CCDC40: variants seen among roughly 807,000 people sequenced by gnomAD.
The protein encoded by CCDC40 is coiled-coil domain 40 molecular ruler complex subunit, also known as coiled-coil domain-containing protein 40.
In CCDC40, 104 loss-of-function variants were observed where a neutral mutation model predicts 124.5. The observed-to-expected ratio is 0.84, with a 90% confidence interval of 0.71 to 0.98. The LOEUF (loss-of-function observed/expected upper bound fraction) is 0.98, where lower values mean the gene tolerates loss of function less well. Ranked by LOEUF, CCDC40 falls within the 50% of genes least tolerant of loss-of-function variation. CCDC40 has a pLI of 0.00. For missense variants in CCDC40, 1,463 were observed against 1,503.9 expected, an observed-to-expected ratio of 0.97 and a Z score of 0.45; for synonymous variants, 580 against 602.9, an observed-to-expected ratio of 0.96 and a Z score of 0.56.
Position 80,058,396 on chromosome 17 carries a change from C to A in CCDC40, c.1160-98C>A. On this transcript the variant is annotated intron_variant, in intron 7 of 19. Coordinates refer to ENST00000397545, the MANE Select transcript of CCDC40 (RefSeq NM_017950.4). The surrounding 1 kb of genome is among the most constrained non-coding windows in gnomAD (Gnocchi z 4.2). ...AAAATGGCAGGAAGGGTGCCCAGAA[C>A]GGCTGTTCCCTGCTTCCTCCTGGGT... 1 of 1,113,976 alleles carries A rather than the reference C, an allele frequency of 9.0e-7. No individual in the cohort carries two copies. Among genetic ancestry groups the A allele is most frequent in the Non-Finnish European group, 1.3e-6 (1 of 742,998 alleles). The allele number at this position is 1,113,976 out of a possible 1,614,324, so 69.0% of individuals were successfully genotyped here. A position where few individuals can be genotyped will look rare whatever the true frequency, so the allele number is the denominator to read the frequency against.
At chr17:80,040,736 G>A (rs1298808546) in intron 3 of CCDC40, among the ~76,000 whole-genome samples, 7 of 151,500 alleles carry the variant, frequency 4.6e-5, no homozygotes, top group Admixed American at 1.3e-4. Context: ...CAGGATTCAC[G>A]GTCAAATGCT....
rs950346966 is a variant in CCDC40, at chr17:80,066,209, C to T, written c.1562+603C>T. Reference sequence around the variant, plus strand: ...CTCACCCGCTGAGCTTTAACTTCCCCTCCACCTTTCGTAGTCTCCACCCCT... The same window carrying T: ...CTCACCCGCTGAGCTTTAACTTCCCTTCCACCTTTCGTAGTCTCCACCCCT... On this transcript the variant is annotated intron_variant, in intron 10 of 19. Transcript: ENST00000397545. The surrounding 1 kb of genome is among the most constrained non-coding windows in gnomAD (Gnocchi z 4.4). 2.4e-5 allele frequency: 17 copies of T among 702,872 alleles called. No individual in the cohort carries two copies. In the African/African-American group the frequency reaches 2.8e-4, roughly 12 times the overall value. The allele number at this position is 702,872 out of a possible 1,614,324, so 43.5% of individuals were successfully genotyped here.
intron 7 of CCDC40, among the ~76,000 whole-genome samples, chr17:80,052,049 G>C (rs1048469179): frequency 2.0e-5 from 3 of 152,232 alleles, no homozygotes; most frequent in Admixed American, 2.0e-4. Flanking sequence ...GGCCCTGACC[G>C]GGGGGCAGCC....
rs533520195 is a variant in CCDC40, at chr17:80,043,420, T to C, written c.552+3150T>C. On this transcript the variant is annotated intron_variant, in intron 3 of 19. Transcript: ENST00000397545. ...GGAGATAGGGCCTGTGTGCGTGTACTGTACGTACTTCCCCCACATTTATAC... is the reference window on the plus strand; with the variant it reads ...GGAGATAGGGCCTGTGTGCGTGTACCGTACGTACTTCCCCCACATTTATAC... Among the ~76,000 whole-genome samples the C allele has an allele frequency of 7.9e-5, 12 of 152,278 alleles. No individual in the cohort carries two copies. The South Asian group carries it at 2.5e-3, about 32-fold the overall frequency.
chr17:80,047,456 GC>G (rs1311385185), intron 4 of CCDC40, 54 bp downstream of exon 4: 1 of 1,576,144 alleles, frequency 6.3e-7, no homozygotes, highest in Non-Finnish European at 8.6e-7. Flanking sequence ...ACCTGCACAG[GC>G]CCTTCTGTGC....
Position 80,049,944 on chromosome 17 carries a change from C to T in CCDC40, c.894C>T (p.Tyr298=). Residue 298 remains tyrosine, a synonymous_variant, in exon 6 of 20, where the codon TAC becomes TAT. Transcript: ENST00000397545. ...GATTCCAGGCTGCCCTGAAGAACTA[C>T]CTGAACCGACAGATCGAAAAGTTGA... is the stretch of plus-strand genomic sequence containing the variant. ...MVRFQAALKN[Y]LNRQIEKLKL... 1 of 1,614,150 alleles carries T rather than the reference C, an allele frequency of 6.2e-7. No individual in the cohort carries two copies. The highest frequency in any genetic ancestry group is 8.5e-7 in the Non-Finnish European group (1 of 1,180,022).
intron 1 of CCDC40, among the ~76,000 whole-genome samples, chr17:80,037,690 G>GATATATATATATATATATATAT (rs757748232): frequency 0.017 from 1,527 of 91,692 alleles, 152 homozygotes; most frequent in Non-Finnish European, 0.022. Context: ...TTTTAAAAAA[G>GATATATATATATATATATATAT]ATATACATAT....
In CCDC40 at chr17:80,099,681, A is replaced by C; in HGVS notation, c.3335A>C (p.Asp1112Ala). ...KRLALIATIL[D>A]RVRDEYPQFQ... is the part of the protein sequence containing the mutation. Reference sequence around the variant, plus strand: ...CTGGCTCTCATCGCCACCATCCTGGACCGCGTGCGGGACGAGTACCCCCAG... The same window carrying C: ...CTGGCTCTCATCGCCACCATCCTGGCCCGCGTGCGGGACGAGTACCCCCAG... Residue 1112 changes from aspartate (D) to alanine (A), a missense_variant, in exon 20 of 20, where the codon GAC becomes GCC. Coordinates refer to ENST00000397545, the MANE Select transcript of CCDC40 (RefSeq NM_017950.4). The C allele has an allele frequency of 6.2e-7, 1 of 1,613,844 alleles. No individual in the cohort carries two copies. Among genetic ancestry groups the C allele is most frequent in the South Asian group, 1.1e-5 (1 of 91,080 alleles).
At position 80,039,819 on chromosome 17, in the gene CCDC40, C is replaced by T. The variant is rs748489269; in HGVS notation, c.101C>T (p.Pro34Leu). Residue 34 changes from proline (P) to leucine (L), a missense_variant, in exon 3 of 20, where the codon CCA becomes CTA. Pro to Leu is a moderately conservative substitution (Grantham distance 98, BLOSUM62 -3). Coordinates refer to ENST00000397545, the MANE Select transcript of CCDC40 (RefSeq NM_017950.4). The part of the protein sequence containing the change: ...EGNNESHMVS[P>L]PEKDDGQKGE... The stretch of plus-strand genomic sequence containing the variant: ...CCTGCCACACCTTTACAGGTGTCAC[C>T]ACCAGAGAAGGATGATGGCCAGAAA... 1 of 1,613,106 alleles carries T rather than the reference C, an allele frequency of 6.2e-7. No homozygotes were observed. The highest frequency in any genetic ancestry group is 1.1e-5 in the South Asian group (1 of 91,050).
chr17:80,052,810 T>C (rs2037635360), intron 7 of CCDC40, among the ~76,000 whole-genome samples: 1 of 148,584 alleles, frequency 6.7e-6, no homozygotes, highest in Admixed American at 6.7e-5. Context: ...CATCCCAGAG[T>C]GTGCAGAGGC....
At position 80,087,472 on chromosome 17, in the gene CCDC40, G is replaced by T; in HGVS notation, c.2450-135G>T. The T allele has an allele frequency of 1.4e-6, 1 of 731,880 alleles. No homozygotes were observed. The highest frequency in any genetic ancestry group is 1.5e-5 in the South Asian group (1 of 67,412). The allele number at this position is 731,880 out of a possible 1,614,324, so 45.3% of individuals were successfully genotyped here. Reference sequence around the variant, plus strand: ...GACGAGATTCAGGCAGGAGCGCCAGGAACGACAAGAGGGAGGGGATGAAGG... The same window carrying T: ...GACGAGATTCAGGCAGGAGCGCCAGTAACGACAAGAGGGAGGGGATGAAGG... On this transcript the variant is annotated intron_variant, in intron 14 of 19. Transcript: ENST00000397545. This position sits in a 1 kb window ranked among gnomAD's most constrained non-coding sequence, Gnocchi z 4.5.
At chr17:80,045,130 G>A (rs575808738) in intron 3 of CCDC40, among the ~76,000 whole-genome samples, 8 of 152,342 alleles carry the variant, frequency 5.3e-5, no homozygotes, top group Middle Eastern at 3.4e-3. Context: ...CCGTGAGACG[G>A]TGCATGGGCT....
At chr17:80,063,831 A>G (rs1470967608) in intron 9 of CCDC40, among the ~76,000 whole-genome samples, 1 of 152,166 alleles carries the variant, frequency 6.6e-6, no homozygotes, top group African/African-American at 2.4e-5. Context: ...ACATTTTCAG[A>G]TAGCTAGAAG....
At chr17:80,048,287 C>T (rs1316836061) in intron 4 of CCDC40, 5 of 432,714 alleles carry the variant, frequency 1.2e-5, no homozygotes, top group Non-Finnish European at 2.2e-5. Context: ...ATCCAATCCA[C>T]TAGTTAAGTG....
intron 17 of CCDC40, among the ~76,000 whole-genome samples, chr17:80,092,944 T>C (rs1273158880): frequency 6.6e-6 from 1 of 152,222 alleles, no homozygotes; most frequent in African/African-American, 2.4e-5. Context: ...ATGGTGCAAG[T>C]TGTGGACTGG....
chr17:80,072,730 C>T (rs1196116485), intron 10 of CCDC40, among the ~76,000 whole-genome samples: 1 of 152,072 alleles, frequency 6.6e-6, no homozygotes, highest in Non-Finnish European at 1.5e-5. Context: ...CTTTTGAGAC[C>T]CACCCATGTT....
chr17:80,088,160 C>CT, intron 16 of CCDC40, 58 bp downstream of exon 16: 1 of 1,215,034 alleles, frequency 8.2e-7, no homozygotes. Flanking sequence ...CTACAGGCCT[C>CT]TGTCCGTTGA....
intron 10 of CCDC40, among the ~76,000 whole-genome samples, chr17:80,069,258 CGT>C (rs200685972): frequency 0.015 from 2,230 of 152,080 alleles, 55 homozygotes; most frequent in African/African-American, 0.051. Flanking sequence ...GTTGCTGCTG[CGT>C]GGGGGGGGCG....
intron 10 of CCDC40, among the ~76,000 whole-genome samples, chr17:80,075,759 C>G (rs8069815): frequency 0.83 from 125,962 of 152,194 alleles, 52,687 homozygotes; most frequent in African/African-American, 0.96. Context: ...GATTACAGGC[C>G]TGAGCCACTG....
Sources: gnomAD v4.1 joint callset for allele counts (sites outside exome capture counted in the v4.1 genomes callset) on GRCh38, gnomAD v4.1.1 for gene constraint, Gnocchi (gnomAD v3.1) non-coding constraint, MANE v1.5 for transcripts, NCBI Gene and HGNC (gene_info 2026-07-23, HGNC 2026-07-21) for gene names.